Variants in ZNF611 observed in about 807,000 individuals in gnomAD.
ZNF611 encodes zinc finger protein 611.
In ZNF611, 6 loss-of-function variants were observed where a neutral mutation model predicts 8.9. The ratio of observed to expected loss-of-function variants is 0.68; its 90% CI spans 0.37 to 1.34. The LOEUF (loss-of-function observed/expected upper bound fraction) is 1.34. Among genes scored for constraint, ZNF611 ranks in the 40% most tolerant of loss-of-function variants. The probability of loss-of-function intolerance (pLI) is 0.02; values close to 1 mark genes in which losing one functional copy is unlikely to be tolerated. For synonymous variants in ZNF611, 262 were observed against 279.7 expected (o/e 0.94, Z 0.63); for missense variants, 874 against 841.3 (o/e 1.04, Z -0.48).
chr19:52,705,109 G>T lies in ZNF611; in HGVS notation c.1946C>A (p.Ser649Tyr), dbSNP rs147491933. Residue 649 changes from serine to tyrosine, a missense_variant, in exon 6 of 6, where the codon TCT (serine) becomes TAT (tyrosine). Coordinates refer to ENST00000652185, the MANE Select transcript of ZNF611 (RefSeq NM_001161499.2). ...YHRRLHTGEKSYKCTICDKAF... is the reference protein window; with the variant it reads ...YHRRLHTGEKYYKCTICDKAF... ...CTTGTCACAAATTGTACATTTGTAA[G>T]ATTTCTCTCCAGTATGAAGTCTACG... The T allele has an allele frequency of 1.6e-5, 26 of 1,613,988 alleles. No individual in the cohort carries two copies. The highest frequency in any genetic ancestry group is 2.2e-5 in the Non-Finnish European group (26 of 1,180,022).
rs139217991 is a variant in ZNF611 at position 52,706,261 on chromosome 19, C to A, written c.794G>T (p.Gly265Val). ...GTATTGCTCGTGATTAAAGAGCTTG[C>A]CACATACATCACATTTATATTGTTT... ...GDKQYKCDVC[G>V]KLFNHEQYLA... is the part of the protein sequence containing the mutation. The change falls in exon 6 of 6, where the codon GGC (glycine) becomes GTC (valine). Residue 265 changes from glycine to valine, a missense_variant. Coordinates refer to ENST00000652185, the MANE Select transcript of ZNF611 (RefSeq NM_001161499.2). 9.3e-6 allele frequency: 15 copies of A among 1,614,038 alleles called. No individual in the cohort carries two copies. The highest frequency in any genetic ancestry group is 2.7e-5 in the African/African-American group (2 of 74,920).
intron 5 of ZNF611, among the ~76,000 whole-genome samples, chr19:52,711,595 G>T (rs1055191918): frequency 2.0e-5 from 3 of 151,844 alleles, no homozygotes; most frequent in African/African-American, 4.9e-5. Flanking sequence ...ACATCAAGGG[G>T]GATACAAGGA....
At chr19:52,722,971 T>G (rs996712090) in intron 3 of ZNF611, among the ~76,000 whole-genome samples, 2 of 143,774 alleles carry the variant, frequency 1.4e-5, no homozygotes, top group African/African-American at 5.1e-5. Flanking sequence ...GGTCTTGAAC[T>G]CCTGGATTCA....
At chr19:52,727,556 C>G (rs1280102189) in intron 3 of ZNF611, among the ~76,000 whole-genome samples, 2 of 152,148 alleles carry the variant, frequency 1.3e-5, no homozygotes, top group Non-Finnish European at 2.9e-5. Flanking sequence ...TAACACTAAC[C>G]CTAACACAAA....
chr19:52,725,588 T>TGG (rs201496347), intron 3 of ZNF611, among the ~76,000 whole-genome samples: 1,695 of 152,276 alleles, frequency 0.011, 30 homozygotes, highest in African/African-American at 0.038. Flanking sequence ...CAGACTCTTA[T>TGG]GGGCGTCTCA....
chr19:52,708,926 G>T (rs2062262151), intron 5 of ZNF611: 1 of 152,052 alleles, frequency 6.6e-6, no homozygotes, highest in South Asian at 2.1e-4. Flanking sequence ...TAACAGCCAG[G>T]CAATACAGCA....
Position 52,721,081 on chromosome 19 carries a change from G to A in ZNF611, c.-19-5168C>T, listed in dbSNP as rs560056607. 4.5e-5 allele frequency: 7 copies of A among 154,730 alleles called. No individual in the cohort carries two copies. In the South Asian group the frequency reaches 6.1e-4, roughly 13 times the overall value. 9.6% of individuals were successfully genotyped at this position (154,730 alleles called of 1,614,324 possible). A position where few individuals can be genotyped will look rare whatever the true frequency, so the allele number is the denominator to read the frequency against. On this transcript the variant is annotated intron_variant, in intron 3 of 5. Coordinates refer to ENST00000652185, the MANE Select transcript of ZNF611 (RefSeq NM_001161499.2). ...CAGAGGGGCTCCTCACTTCCTAGAC[G>A]GGGCGGCCAGGAAGAGACGCTCCTC...
Position 52,731,979 on chromosome 19 carries a change from G to GA in ZNF611, c.-221-1975dup, listed in dbSNP as rs547310371. ...AGAGCAAAATTCCCTCTCAAAAAAAGAAAAAAAAATGGCCGGGCGGGTGGC... is the reference window on the plus strand; with the variant it reads ...AGAGCAAAATTCCCTCTCAAAAAAAGAAAAAAAAAATGGCCGGGCGGGTGGC... On this transcript the variant is annotated intron_variant, in intron 1 of 5. Coordinates refer to ENST00000652185, the MANE Select transcript of ZNF611 (RefSeq NM_001161499.2). 2.8e-3 allele frequency among the ~76,000 whole-genome samples: 405 copies of GA among 142,802 alleles called. 2 individuals carry two copies. Among genetic ancestry groups the GA allele is most frequent in the Non-Finnish European group, 3.9e-3 (254 of 65,260 alleles). 93.7% of individuals were successfully genotyped at this position (142,802 alleles called of 152,430 possible).
At chr19:52,717,381 T>C (rs186215080) in intron 3 of ZNF611, among the ~76,000 whole-genome samples, 1 of 152,258 alleles carries the variant, frequency 6.6e-6, no homozygotes, top group Admixed American at 6.5e-5. Context: ...TGCTTGTCAC[T>C]TGCAGCTGAG....
Position 52,705,300 on chromosome 19 carries a change from A to G in ZNF611, c.1755T>C (p.His585=), listed in dbSNP as rs143072174. The G allele has an allele frequency of 3.1e-4, 497 of 1,614,136 alleles. 1 individual carries two copies. In the African/African-American group the frequency reaches 6.2e-3, roughly 20 times the overall value. ...FSHRSYLVCH[H]RVHSGEKPYK... ...AAGGTTTCTCACCACTATGAACTCT[A>G]TGATGGCATACAAGGTATGACCTGT... The change falls in exon 6 of 6, where the codon CAT becomes CAC. Residue 585 remains histidine (H), a synonymous_variant. Coordinates refer to ENST00000652185, the MANE Select transcript of ZNF611 (RefSeq NM_001161499.2).
At chr19:52,707,948 C>T (rs1031682264) in intron 5 of ZNF611, among the ~76,000 whole-genome samples, 5 of 151,774 alleles carry the variant, frequency 3.3e-5, no homozygotes, top group African/African-American at 9.7e-5. Context: ...GTGACATTAA[C>T]GAATAGTGCA....
intron 3 of ZNF611, among the ~76,000 whole-genome samples, chr19:52,724,928 T>C (rs1362930720): frequency 6.6e-6 from 1 of 152,176 alleles, no homozygotes; most frequent in Non-Finnish European, 1.5e-5. Context: ...TCTTATTTTT[T>C]CTTTCACTTT....
chr19:52,708,718 T>A lies in ZNF611; in HGVS notation c.191-1854A>T, dbSNP rs544403551. 2.0e-5 allele frequency: 3 copies of A among 151,974 alleles called. No homozygotes were observed. The South Asian group carries it at 6.2e-4, about 32-fold the overall frequency. The allele number at this position is 151,974 out of a possible 1,614,324, so 9.4% of individuals were successfully genotyped here. ...TGGGCCTGGTGGAGGGCGCCTATAA[T>A]CTCAGCTACTTTGGAGGCTGAGGCA... is the stretch of plus-strand genomic sequence containing the variant. On this transcript the variant is annotated intron_variant, in intron 5 of 5. Coordinates refer to ENST00000652185, the MANE Select transcript of ZNF611 (RefSeq NM_001161499.2).
At chr19:52,706,978 C>T in intron 5 of ZNF611, 114 bp from the exon 6 acceptor site, 1 of 1,480,124 alleles carries the variant, frequency 6.8e-7, no homozygotes, top group Non-Finnish European at 9.0e-7. Context: ...CAAACATCAT[C>T]TTCAAAGTTT....
intron 3 of ZNF611, among the ~76,000 whole-genome samples, chr19:52,716,637 T>A (rs1289107676): frequency 6.6e-6 from 1 of 152,130 alleles, no homozygotes; most frequent in Non-Finnish European, 1.5e-5. Flanking sequence ...CCCAAATCAC[T>A]AAGCAAAAGG....
At chr19:52,719,349 C>G (rs568777296) in intron 3 of ZNF611, among the ~76,000 whole-genome samples, 5 of 152,008 alleles carry the variant, frequency 3.3e-5, no homozygotes, top group Non-Finnish European at 5.9e-5. Flanking sequence ...TTCTCTCCCC[C>G]ACTCCCCACC....
intron 1 of ZNF611, among the ~76,000 whole-genome samples, chr19:52,730,531 C>A (rs2062420054): frequency 6.6e-6 from 1 of 151,246 alleles, no homozygotes; most frequent in South Asian, 2.1e-4. Context: ...AGAATTTGGT[C>A]ATGGGTGTTG....
rs976589127 is a variant in ZNF611 at position 52,705,807 on chromosome 19, A to C, written c.1248T>G (p.His416Gln). The C allele has an allele frequency of 2.5e-6, 4 of 1,613,390 alleles. No individual in the cohort carries two copies. Among genetic ancestry groups the C allele is most frequent in the Non-Finnish European group, 3.4e-6 (4 of 1,179,946 alleles). The change falls in exon 6 of 6, where the codon CAT (histidine) becomes CAG (glutamine). Residue 416 changes from histidine (H) to glutamine (Q), a missense_variant. Physicochemically the swap from His to Gln is conservative, Grantham distance 24 (BLOSUM62 0). Coordinates refer to ENST00000652185, the MANE Select transcript of ZNF611 (RefSeq NM_001161499.2). ...TTTTCTTTGCAGTATGAATTCTTCT[A>C]TGTCGAGCCAGCTGTGAATGCCACG... ...AFTWHSQLARHRRIHTAKKTY... is the reference protein window; with the variant it reads ...AFTWHSQLARQRRIHTAKKTY...
rs764352659 is a variant in ZNF611, at chr19:52,705,483, G to T, written c.1572C>A (p.Ser524Arg). 1 of 1,614,084 alleles carries T rather than the reference G, an allele frequency of 6.2e-7. No individual in the cohort carries two copies. Among genetic ancestry groups the T allele is most frequent in the Non-Finnish European group, 8.5e-7 (1 of 1,180,024 alleles). The change falls in exon 6 of 6, where the codon AGC (serine) becomes AGA (arginine). Residue 524 changes from serine to arginine, a missense_variant. Coordinates refer to ENST00000652185, the MANE Select transcript of ZNF611 (RefSeq NM_001161499.2). Reference protein sequence around the residue: ...ECEKVFSRKSSLETHKIGHTG... With the variant: ...ECEKVFSRKSRLETHKIGHTG... ...TATGACCTATCTTATGTGTCTCAAGGCTTGATTTACGACTGAAAACCTTTT... is the reference window on the plus strand; with the variant it reads ...TATGACCTATCTTATGTGTCTCAAGTCTTGATTTACGACTGAAAACCTTTT...
Sources: allele counts gnomAD v4.1 joint callset (sites outside exome capture counted in the v4.1 genomes callset), GRCh38; gene constraint gnomAD v4.1.1; transcripts MANE v1.5; gene names NCBI Gene and HGNC (gene_info 2026-07-23, HGNC 2026-07-21).